Variants in MIS18BP1 observed in about 807,000 individuals in gnomAD.
The protein encoded by MIS18BP1 is MIS18 binding protein 1.
A neutral mutation model predicts 116.1 loss-of-function variants in MIS18BP1; 72 were observed. The observed-to-expected ratio is 0.62, with a 90% CI of 0.51 to 0.75. MIS18BP1 has a LOEUF of 0.75. Ranked by LOEUF, MIS18BP1 falls within the 30% of genes least tolerant of loss-of-function variation. The pLI is 0.00. For missense variants in MIS18BP1, 1,363 were observed against 1,303.2 expected (o/e 1.05, Z -0.71); for synonymous variants, 386 against 427.0 (o/e 0.90, Z 1.18).
intron 11 of MIS18BP1, among the ~76,000 whole-genome samples, chr14:45,220,442 A>T (rs955262842): frequency 6.6e-6 from 1 of 151,932 alleles, no homozygotes; most frequent in African/African-American, 2.4e-5. Context: ...GCCTAGGGGG[A>T]GGTGATTGGT....
At chr14:45,204,485 G>A (rs200650837) in intron 15 of MIS18BP1, 32 bp from the exon 16 acceptor site, 1 of 1,509,450 alleles carries the variant, frequency 6.6e-7, no homozygotes, top group Non-Finnish European at 9.0e-7. Context: ...TAGCTAAATG[G>A]TACCTCCTGG....
chr14:45,231,347 AC>A (rs1315687517), intron 7 of MIS18BP1, 49 bp from the exon 8 acceptor site: 4 of 1,462,746 alleles, frequency 2.7e-6, no homozygotes, highest in Non-Finnish European at 3.7e-6. Flanking sequence ...TCTCAAAAAA[AC>A]AAAACAAAAA....
intron 2 of MIS18BP1, among the ~76,000 whole-genome samples, chr14:45,244,276 T>C (rs141343343): frequency 2.0e-5 from 3 of 152,362 alleles, no homozygotes; most frequent in Middle Eastern, 3.4e-3. Flanking sequence ...CATGTGTTCG[T>C]TGAAAGGATT....
At position 45,210,501 on chromosome 14, in the gene MIS18BP1, C is replaced by T. The variant is rs776951276; in HGVS notation, c.3031G>A (p.Asp1011Asn). Residue 1011 changes from aspartate (D) to asparagine (N), a missense_variant, in exon 14 of 17, where the codon GAT (aspartate) becomes AAT (asparagine). Physicochemically the swap from Asp to Asn is conservative, Grantham distance 23 (BLOSUM62 1). Transcript: ENST00000310806. Reference sequence around the variant, plus strand: ...TCCATATTTGGCAGAATATCATCATCATCTTCACTGTCCTGGAAACTTGGC... The same window carrying T: ...TCCATATTTGGCAGAATATCATCATTATCTTCACTGTCCTGGAAACTTGGC... ...LLPSFQDSED[D>N]DDILPNMDKN... The T allele has an allele frequency of 3.1e-6, 5 of 1,614,032 alleles. No individual in the cohort carries two copies. The highest frequency in any genetic ancestry group is 4.2e-6 in the Non-Finnish European group (5 of 1,179,952).
At chr14:45,218,588 A>C (rs779860222) in intron 11 of MIS18BP1, 134 bp from the exon 12 acceptor site, 31 of 858,426 alleles carry the variant, frequency 3.6e-5, no homozygotes, top group Non-Finnish European at 5.2e-5. Context: ...TCTGGATAAC[A>C]ATTAAGAAAG....
chr14:45,252,225 T>C (rs2139267397), intron 1 of MIS18BP1, among the ~76,000 whole-genome samples: 1 of 152,048 alleles, frequency 6.6e-6, no homozygotes, highest in South Asian at 2.1e-4. Flanking sequence ...CAGCATAAAA[T>C]GAAATGAAAC....
Position 45,232,794 on chromosome 14 carries a change from A to T in MIS18BP1, c.1375T>A (p.Phe459Ile), listed in dbSNP as rs1165336708. 3 of 1,463,410 alleles carry T rather than the reference A, an allele frequency of 2.1e-6. No individual in the cohort carries two copies. Among genetic ancestry groups the T allele is most frequent in the South Asian group, 1.3e-5 (1 of 79,618 alleles). 90.7% of individuals were successfully genotyped at this position (1,463,410 alleles called of 1,614,324 possible). ...AGYPNYLIRK[F>I]MFGFPENWKE... Reference sequence around the variant, plus strand: ...CAATTTTCTGGAAATCCAAACATAAATTTCCTTATGAGATAATTTGGATAT... The same window carrying T: ...CAATTTTCTGGAAATCCAAACATAATTTTCCTTATGAGATAATTTGGATAT... The change falls in exon 7 of 17, where the codon TTT (phenylalanine) becomes ATT (isoleucine). Residue 459 changes from phenylalanine (F) to isoleucine (I), a missense_variant. Coordinates refer to ENST00000310806, the MANE Select transcript of MIS18BP1 (RefSeq NM_018353.5).
intron 6 of MIS18BP1, among the ~76,000 whole-genome samples, chr14:45,234,521 C>G (rs2139213968): frequency 6.6e-6 from 1 of 152,234 alleles, no homozygotes; most frequent in East Asian, 1.9e-4. Context: ...AAAGAAATAT[C>G]CTGATTGTTC....
At chr14:45,204,319 A>C in intron 16 of MIS18BP1, 80 bp downstream of exon 16, 2 of 1,534,056 alleles carry the variant, frequency 1.3e-6, no homozygotes, top group Non-Finnish European at 1.8e-6. Context: ...ACTTGAGAGC[A>C]ATTAATTTTA....
chr14:45,238,340 A>G (rs918147384), intron 4 of MIS18BP1, among the ~76,000 whole-genome samples: 8 of 152,202 alleles, frequency 5.3e-5, no homozygotes, highest in African/African-American at 1.9e-4. Flanking sequence ...CATAAAATTT[A>G]AGATTGAACT....
chr14:45,232,754 T>C lies in MIS18BP1; in HGVS notation c.1415A>G (p.Asp472Gly). 1 of 1,469,178 alleles carries C rather than the reference T, an allele frequency of 6.8e-7. No homozygotes were observed. Among genetic ancestry groups the C allele is most frequent in the Non-Finnish European group, 9.2e-7 (1 of 1,081,180 alleles). 91.0% of individuals were successfully genotyped at this position (1,469,178 alleles called of 1,614,324 possible). The change falls in exon 7 of 17, where the codon GAT becomes GGT. Residue 472 changes from aspartate to glycine, a missense_variant. Asp to Gly is a moderately conservative substitution (Grantham distance 94). Transcript: ENST00000310806. ...GFPENWKEHIDNFLEQLRAGE... is the reference protein window; with the variant it reads ...GFPENWKEHIGNFLEQLRAGE... ...TTACCTTAATTGTTCCAGAAAATTA[T>C]CAATGTGCTCTTTCCAATTTTCTGG...
At chr14:45,209,240 C>T (rs76749505) in intron 14 of MIS18BP1, among the ~76,000 whole-genome samples, 4,346 of 152,120 alleles carry the variant, frequency 0.029, 226 homozygotes, top group African/African-American at 0.099. Flanking sequence ...TTTACACAAA[C>T]AGTAGTATAT....
chr14:45,212,035 C>T (rs761742559), intron 13 of MIS18BP1, among the ~76,000 whole-genome samples: 4 of 152,024 alleles, frequency 2.6e-5, no homozygotes, highest in Non-Finnish European at 4.4e-5. Flanking sequence ...GTTGGTGTCA[C>T]CATTTGGCCA....
In MIS18BP1 at chr14:45,246,134, C is replaced by CA. The variant is rs1049013627; in HGVS notation, c.544+608dup. On this transcript the variant is annotated intron_variant, in intron 2 of 16. Transcript: ENST00000310806. ...TACACAGTGGTTAACTAAAAAACAACAAAAAAACCCTCATAAGTCAGATCT... is the reference window on the plus strand; with the variant it reads ...TACACAGTGGTTAACTAAAAAACAACAAAAAAAACCCTCATAAGTCAGATCT... Among the ~76,000 whole-genome samples the CA allele has an allele frequency of 6.6e-5, 10 of 152,196 alleles. No individual in the cohort carries two copies. The East Asian group carries it at 1.7e-3, about 26-fold the overall frequency.
At chr14:45,221,166 C>T (rs189976876) in intron 11 of MIS18BP1, among the ~76,000 whole-genome samples, 20 of 149,642 alleles carry the variant, frequency 1.3e-4, no homozygotes, top group Admixed American at 8.7e-4. Context: ...AAGCCGGGCG[C>T]GGTGGCTCAA....
At chr14:45,232,556 A>G (rs778819514) in intron 7 of MIS18BP1, 177 bp downstream of exon 7, 2 of 576,102 alleles carry the variant, frequency 3.5e-6, no homozygotes, top group East Asian at 3.4e-5. Context: ...ACACTTTGGG[A>G]GGCTGAGACA....
intron 4 of MIS18BP1, among the ~76,000 whole-genome samples, chr14:45,240,095 T>C (rs1891534915): frequency 2.0e-5 from 3 of 152,170 alleles, no homozygotes; most frequent in Admixed American, 6.5e-5. Flanking sequence ...AAGAATTTTC[T>C]GTGCTGGAAA....
At position 45,252,679 on chromosome 14, in the gene MIS18BP1, G is replaced by A. The variant is rs559781688; in HGVS notation, c.-92+356C>T. On this transcript the variant is annotated intron_variant, in intron 1 of 16. Transcript: ENST00000310806. ...AACCAGAAGAAAACATAAGCTGAAT[G>A]ATCAACTGCTTCTATAGCCCTGTGG... 9.9e-5 allele frequency among the ~76,000 whole-genome samples: 15 copies of A among 151,958 alleles called. No individual in the cohort carries two copies. The East Asian group carries it at 2.5e-3, about 25-fold the overall frequency.
intron 11 of MIS18BP1, 87 bp downstream of exon 11, chr14:45,223,831 C>A: frequency 1.1e-6 from 1 of 949,768 alleles, no homozygotes; most frequent in Non-Finnish European, 1.5e-6. Context: ...TGACATCTTC[C>A]ATGTTAACCC....
Sources: allele counts gnomAD v4.1 joint callset (sites outside exome capture counted in the v4.1 genomes callset), GRCh38; gene constraint gnomAD v4.1.1; transcripts MANE v1.5; gene names NCBI Gene and HGNC (gene_info 2026-07-23, HGNC 2026-07-21).